Variants in KCND2 observed in about 807,000 individuals in gnomAD.
The protein encoded by KCND2 is potassium voltage-gated channel subfamily D member 2.
KCND2 carries 16 observed loss-of-function variants against 54.4 expected under a neutral mutation model. The observed-to-expected ratio is 0.29, with a 90% confidence interval of 0.20 to 0.45. The LOEUF (loss-of-function observed/expected upper bound fraction) is 0.45. KCND2 is among the 20% of genes least tolerant of loss of function. The pLI is 1.00. For synonymous variants in KCND2, 317 were observed against 310.7 expected (o/e 1.02, Z -0.21); for missense variants, 486 against 824.2 (o/e 0.59, Z 5.02).
intron 1 of KCND2, among the ~76,000 whole-genome samples, chr7:120,702,127 G>C (rs138042115): frequency 6.6e-6 from 1 of 151,958 alleles, no homozygotes; most frequent in Non-Finnish European, 1.5e-5. Context: ...ACATTAAAAA[G>C]TGGGCAAAGG....
chr7:120,558,919 T>C (rs939744068), intron 1 of KCND2, among the ~76,000 whole-genome samples: 3 of 152,152 alleles, frequency 2.0e-5, no homozygotes, highest in Non-Finnish European at 2.9e-5. Flanking sequence ...AGCATCATTA[T>C]AAGACCCTTT....
At position 120,274,094 on chromosome 7, in the gene KCND2, TACA is replaced by T. The variant is rs776698576; in HGVS notation, c.-532_-530del. 16 of 159,154 alleles carry T rather than the reference TACA, an allele frequency of 1.0e-4. No homozygotes were observed. The East Asian group carries it at 2.2e-3, about 22-fold the overall frequency. 9.9% of individuals were successfully genotyped at this position (159,154 alleles called of 1,614,324 possible). A position where few individuals can be genotyped will look rare whatever the true frequency, so the allele number is the denominator to read the frequency against. On this transcript the variant is annotated 5_prime_UTR_variant, in exon 1 of 6. Transcript: ENST00000331113. Reference sequence around the variant, plus strand: ...GCGGCTGTGACCGCATCTCCTGAGCTACAACAACAGGTCGCCTTTTTGAGACTC... The same window carrying T: ...GCGGCTGTGACCGCATCTCCTGAGCTACAACAGGTCGCCTTTTTGAGACTC...
intron 1 of KCND2, among the ~76,000 whole-genome samples, chr7:120,651,410 C>T: frequency 6.6e-6 from 1 of 152,152 alleles, no homozygotes; most frequent in African/African-American, 2.4e-5. Context: ...TGGGACTCTC[C>T]CAGCCATGCA....
At chr7:120,356,369 A>G (rs1800505382) in intron 1 of KCND2, among the ~76,000 whole-genome samples, 1 of 152,192 alleles carries the variant, frequency 6.6e-6, no homozygotes, top group Non-Finnish European at 1.5e-5. Context: ...TGTAGCTACT[A>G]TAAGGATAAT....
chr7:120,655,309 A>C (rs773333189), intron 1 of KCND2, among the ~76,000 whole-genome samples: 1 of 152,106 alleles, frequency 6.6e-6, no homozygotes, highest in Non-Finnish European at 1.5e-5. Flanking sequence ...ATAATAATCA[A>C]AGAAAAAACT....
At chr7:120,729,228 C>A (rs1357336153) in intron 1 of KCND2, among the ~76,000 whole-genome samples, 2 of 152,210 alleles carry the variant, frequency 1.3e-5, no homozygotes, top group African/African-American at 2.4e-5. Context: ...ATTTCCATTT[C>A]TCCAGGTCAC....
intron 1 of KCND2, among the ~76,000 whole-genome samples, chr7:120,692,100 T>A (rs1792277247): frequency 2.6e-5 from 4 of 152,122 alleles, no homozygotes; most frequent in African/African-American, 9.7e-5. Flanking sequence ...AGGAGATGCA[T>A]CAGCAATGAC....
At chr7:120,372,368 G>T (rs189961738) in intron 1 of KCND2, among the ~76,000 whole-genome samples, 1 of 151,650 alleles carries the variant, frequency 6.6e-6, no homozygotes, top group Non-Finnish European at 1.5e-5. Flanking sequence ...AAAAAAAAAT[G>T]CAGAATTCTC....
chr7:120,397,991 G>GTA (rs1392989590), intron 1 of KCND2, among the ~76,000 whole-genome samples: 36 of 37,802 alleles, frequency 9.5e-4, no homozygotes, highest in South Asian at 4.1e-3. Flanking sequence ...GTGTGTGTGT[G>GTA]TGTGTATATA....
chr7:120,570,755 A>G (rs1011573347), intron 1 of KCND2, among the ~76,000 whole-genome samples: 2 of 152,130 alleles, frequency 1.3e-5, no homozygotes, highest in Admixed American at 1.3e-4. Context: ...TCACAGTGTC[A>G]CCTTCATCTT....
In KCND2 at chr7:120,285,513, T is replaced by C. The variant is rs113621204; in HGVS notation, c.1115+9766T>C. On this transcript the variant is annotated intron_variant, in intron 1 of 5. Transcript: ENST00000331113. ...CATCTCATAGACATTCAGAAGAGGA[T>C]ACATCACTGTGAAATAGGACATAAG... 4.7e-3 allele frequency among the ~76,000 whole-genome samples: 719 copies of C among 152,092 alleles called. 8 individuals carry two copies. Among genetic ancestry groups the C allele is most frequent in the African/African-American group, 0.017 (688 of 41,568 alleles).
rs944922276 is a variant in KCND2 at position 120,671,858 on chromosome 7, C to A, written c.1116-61045C>A. 1.6e-4 allele frequency among the ~76,000 whole-genome samples: 24 copies of A among 152,128 alleles called. 1 individual carries two copies. Among genetic ancestry groups the A allele is most frequent in the South Asian group, 8.3e-4 (4 of 4,832 alleles). On this transcript the variant is annotated intron_variant, in intron 1 of 5. Coordinates refer to ENST00000331113, the MANE Select transcript of KCND2 (RefSeq NM_012281.3). ...TTCACTCAATTCCACTGAAAGTGGG[C>A]AGAAGAAATAATCACACAGCAATGA...
intron 1 of KCND2, among the ~76,000 whole-genome samples, chr7:120,344,450 GCATATTTTA>G (rs920684978): frequency 6.6e-6 from 1 of 152,022 alleles, no homozygotes; most frequent in Non-Finnish European, 1.5e-5. Context: ...GCCTCATATT[GCATATTTTA>G]CATATTTTAA....
intron 1 of KCND2, among the ~76,000 whole-genome samples, chr7:120,711,122 AT>A (rs1562917008): frequency 6.6e-6 from 1 of 152,076 alleles, no homozygotes; most frequent in Non-Finnish European, 1.5e-5. Context: ...GATGATATAT[AT>A]TTTATATACA....
chr7:120,351,313 A>G (rs1399895280), intron 1 of KCND2, among the ~76,000 whole-genome samples: 1 of 146,306 alleles, frequency 6.8e-6, no homozygotes, highest in Non-Finnish European at 1.5e-5. Flanking sequence ...TACAATTTTT[A>G]AAAAATTAAT....
intron 1 of KCND2, among the ~76,000 whole-genome samples, chr7:120,504,381 A>C (rs931173502): frequency 6.6e-6 from 1 of 151,986 alleles, no homozygotes; most frequent in African/African-American, 2.4e-5. Flanking sequence ...TTATTATTTT[A>C]CATAAACCTT....
intron 1 of KCND2, among the ~76,000 whole-genome samples, chr7:120,731,223 A>G (rs1370883905): frequency 6.6e-6 from 1 of 152,218 alleles, no homozygotes; most frequent in Non-Finnish European, 1.5e-5. Context: ...TAGCAATTTT[A>G]CATTCTAATG....
intron 1 of KCND2, among the ~76,000 whole-genome samples, chr7:120,434,809 A>G (rs1801842682): frequency 7.4e-6 from 1 of 135,984 alleles, no homozygotes; most frequent in South Asian, 2.1e-4. Flanking sequence ...GTGTAAAAAG[A>G]TCCTAGAGGA....
intron 1 of KCND2, among the ~76,000 whole-genome samples, chr7:120,609,831 G>A (rs6971715): frequency 0.029 from 4,482 of 152,104 alleles, 207 homozygotes; most frequent in African/African-American, 0.1. Flanking sequence ...CAAGTGTGGG[G>A]CTCTTCTAAG....
Sources: gnomAD v4.1 joint callset for allele counts (sites outside exome capture counted in the v4.1 genomes callset) on GRCh38, gnomAD v4.1.1 for gene constraint, MANE v1.5 for transcripts, NCBI Gene and HGNC (gene_info 2026-07-23, HGNC 2026-07-21) for gene names.